ADK: variants seen among roughly 807,000 people sequenced by gnomAD.
ADK encodes the protein N6,N6-dimethyladenosine kinase.
Under a neutral mutation model 44.7 loss-of-function variants are expected in ADK, and 24 were observed. The observed-to-expected ratio is 0.54, with a 90% confidence interval of 0.39 to 0.76. The LOEUF is 0.76. ADK is among the 30% of genes least tolerant of loss of function. ADK has a pLI of 0.00. For synonymous variants in ADK, 128 were observed against 142.6 expected (o/e 0.90, Z 0.73); for missense variants, 321 against 425.1 (o/e 0.76, Z 2.15).
intron 10 of ADK, among the ~76,000 whole-genome samples, chr10:74,703,847 C>T (rs1230230953): frequency 1.3e-5 from 2 of 152,104 alleles, no homozygotes; most frequent in Non-Finnish European, 2.9e-5. Flanking sequence ...TCAAATAGTT[C>T]AGGGAAATAA....
At chr10:74,622,106 T>C (rs1002204845) in intron 9 of ADK, among the ~76,000 whole-genome samples, 3 of 152,220 alleles carry the variant, frequency 2.0e-5, no homozygotes, top group African/African-American at 7.2e-5. Context: ...TTTCCTCTCC[T>C]GAGTTTCAGG....
chr10:74,600,215 G>A (rs1205579570), intron 8 of ADK, among the ~76,000 whole-genome samples, 164 bp from the exon 9 acceptor site: 1 of 151,838 alleles, frequency 6.6e-6, no homozygotes, highest in East Asian at 1.9e-4. Flanking sequence ...AAGTCACTGT[G>A]CTATTCTATT....
chr10:74,393,111 C>T (rs1029035255), intron 4 of ADK, among the ~76,000 whole-genome samples: 1 of 152,048 alleles, frequency 6.6e-6, no homozygotes, highest in Non-Finnish European at 1.5e-5. Flanking sequence ...TCTTACAGTT[C>T]TGTCTTTGTT....
At chr10:74,334,929 C>T (rs183803562) in intron 4 of ADK, among the ~76,000 whole-genome samples, 12 of 152,270 alleles carry the variant, frequency 7.9e-5, no homozygotes, top group Admixed American at 7.8e-4. Flanking sequence ...GGAGGCTTTC[C>T]TTAAGTGTCT....
In ADK at chr10:74,681,667, G is replaced by A. The variant is rs567545979; in HGVS notation, c.964+11398G>A. ...TCGAGACCACCGGCCAACACAACATGGTGAAACCCCGCCTCTACTAAAAAC... is the reference window on the plus strand; with the variant it reads ...TCGAGACCACCGGCCAACACAACATAGTGAAACCCCGCCTCTACTAAAAAC... On this transcript the variant is annotated intron_variant, in intron 10 of 10. Transcript: ENST00000539909. 7.9e-5 allele frequency among the ~76,000 whole-genome samples: 12 copies of A among 151,870 alleles called. No individual in the cohort carries two copies. In the East Asian group the frequency reaches 1.9e-3, roughly 24 times the overall value.
chr10:74,371,606 C>CT, intron 4 of ADK: 1 of 1,083,488 alleles, frequency 9.2e-7, no homozygotes, highest in Non-Finnish European at 1.4e-6. Context: ...CAGGAACCTG[C>CT]TTAGGTGGTA....
intron 4 of ADK, among the ~76,000 whole-genome samples, chr10:74,377,112 C>T (rs568539243): frequency 2.0e-5 from 3 of 152,120 alleles, no homozygotes; most frequent in Admixed American, 1.3e-4. Flanking sequence ...GAACATTTTC[C>T]TTACTGTTTT....
intron 6 of ADK, among the ~76,000 whole-genome samples, chr10:74,460,460 A>G (rs1313798875): frequency 6.6e-6 from 1 of 152,196 alleles, no homozygotes; most frequent in Non-Finnish European, 1.5e-5. Flanking sequence ...ATTGCTTGTA[A>G]TACCTTGTAT....
At chr10:74,209,205 A>G (rs1234698323) in intron 2 of ADK, among the ~76,000 whole-genome samples, 1 of 152,154 alleles carries the variant, frequency 6.6e-6, no homozygotes, top group East Asian at 1.9e-4. Context: ...AAAGGACTCA[A>G]GGTTGAAGGG....
intron 3 of ADK, among the ~76,000 whole-genome samples, chr10:74,258,525 A>G (rs1262140890): frequency 1.3e-5 from 2 of 152,136 alleles, no homozygotes; most frequent in Non-Finnish European, 2.9e-5. Context: ...TCAATTATAC[A>G]CTAATCAATT....
At chr10:74,539,473 A>G (rs549870866) in intron 7 of ADK, among the ~76,000 whole-genome samples, 3 of 152,296 alleles carry the variant, frequency 2.0e-5, no homozygotes, top group South Asian at 4.1e-4. Context: ...ATGGGGCTGT[A>G]TCTAAAAATG....
At chr10:74,329,106 C>CAAAA (rs138730631) in intron 4 of ADK, among the ~76,000 whole-genome samples, 15 of 82,120 alleles carry the variant, frequency 1.8e-4, no homozygotes, top group African/African-American at 4.0e-4. Flanking sequence ...TCTGTGCAGG[C>CAAAA]AAAAAAAAAA....
chr10:74,191,063 C>T (rs1057024267), intron 1 of ADK, among the ~76,000 whole-genome samples: 1 of 151,534 alleles, frequency 6.6e-6, no homozygotes, highest in Admixed American at 6.6e-5. Context: ...TCACTGCAAC[C>T]TCTGCCTCCC....
rs1181494319 is a variant in ADK, at chr10:74,446,821, T to C, written c.555+48242T>C. On this transcript the variant is annotated intron_variant, in intron 6 of 10. Transcript: ENST00000539909. ...AGTGATTTTGAGCAAACTGTTAACA[T>C]TGATTTTAAAATCCAAAATATATTA... 2.0e-5 allele frequency among the ~76,000 whole-genome samples: 3 copies of C among 152,268 alleles called. No individual in the cohort carries two copies. The East Asian group carries it at 5.8e-4, about 29-fold the overall frequency.
intron 3 of ADK, among the ~76,000 whole-genome samples, chr10:74,248,754 A>G (rs1845530556): frequency 6.6e-6 from 1 of 152,226 alleles, no homozygotes; most frequent in Non-Finnish European, 1.5e-5. Flanking sequence ...CTACTTTTAT[A>G]TCAGCTGCTC....
chr10:74,412,909 T>C (rs1055643001), intron 6 of ADK, among the ~76,000 whole-genome samples: 25 of 152,048 alleles, frequency 1.6e-4, no homozygotes, highest in African/African-American at 6.0e-4. Context: ...AATACAAAAA[T>C]GAGCTGGGCA....
chr10:74,595,222 T>C (rs73276241), intron 8 of ADK, among the ~76,000 whole-genome samples: 6,172 of 142,506 alleles, frequency 0.043, 419 homozygotes, highest in African/African-American at 0.14. Context: ...TTCAAAGTCA[T>C]ATAGCTAATA....
chr10:74,675,241 A>T (rs1316604843), intron 10 of ADK, among the ~76,000 whole-genome samples: 5 of 152,198 alleles, frequency 3.3e-5, no homozygotes. Context: ...AATTATCTAT[A>T]TCAGTACCAG....
intron 9 of ADK, chr10:74,655,776 C>T (rs1350414630): frequency 2.2e-5 from 11 of 498,710 alleles, no homozygotes; most frequent in Admixed American, 2.5e-5. Context: ...TGGCCACCCA[C>T]CTATCCAGGA....
Sources: allele counts gnomAD v4.1 joint callset (sites outside exome capture counted in the v4.1 genomes callset), GRCh38; gene constraint gnomAD v4.1.1; transcripts MANE v1.5; gene names NCBI Gene and HGNC (gene_info 2026-07-23, HGNC 2026-07-21).